NCOR2: variants seen among roughly 807,000 people sequenced by gnomAD.
The protein encoded by NCOR2 is CTG repeat protein 26.
In NCOR2, 81 loss-of-function variants were observed where a neutral mutation model predicts 262.9. The ratio of observed to expected loss-of-function variants is 0.31; its 90% confidence interval spans 0.26 to 0.37. NCOR2 has a LOEUF of 0.37. NCOR2 is among the 10% of genes least tolerant of loss of function. NCOR2 has a pLI of 1.00. For missense variants in NCOR2, 3,385 were observed against 3,621.4 expected (o/e 0.93, Z 1.68); for synonymous variants, 1,659 against 1,559.3 (o/e 1.06, Z -1.51).
intron 16 of NCOR2, among the ~76,000 whole-genome samples, chr12:124,387,353 A>G (rs2040889456): frequency 6.6e-6 from 1 of 152,066 alleles, no homozygotes; most frequent in Non-Finnish European, 1.5e-5. Flanking sequence ...TAACTGACAC[A>G]CAGAGTTTGC....
At chr12:124,472,522 A>T (rs1230058959) in intron 4 of NCOR2, among the ~76,000 whole-genome samples, 1 of 152,190 alleles carries the variant, frequency 6.6e-6, no homozygotes, top group Non-Finnish European at 1.5e-5. Flanking sequence ...AAAGTGAAGC[A>T]CAGAGAAGGG....
Position 124,483,618 on chromosome 12 carries a change from G to T in NCOR2, c.389C>A (p.Ala130Glu). The T allele has an allele frequency of 1.2e-6, 2 of 1,604,612 alleles. No individual in the cohort carries two copies. Among genetic ancestry groups the T allele is most frequent in the Non-Finnish European group, 1.7e-6 (2 of 1,175,658 alleles). Residue 130 changes from alanine to glutamate, a missense_variant, in exon 3 of 47, where the codon GCG (alanine) becomes GAG (glutamate). This residue lies in a region of NCOR2 where 237 missense variants were observed against 229.4 expected (regional missense o/e 1.03). Transcript: ENST00000405201. This position sits in a 1 kb window ranked among gnomAD's most constrained non-coding sequence, Gnocchi z 6.3. ...TACCTTGGTGAGGTCTTCAGATCCC[G>T]CAGGCTGGCCCGTGGCCAGCAGGGG...
At chr12:124,343,716 TC>T (rs1354548801) in intron 32 of NCOR2, among the ~76,000 whole-genome samples, 1 of 151,954 alleles carries the variant, frequency 6.6e-6, no homozygotes, top group Non-Finnish European at 1.5e-5. Context: ...AACCTCTGCC[TC>T]CCAGGCTCAA....
intron 22 of NCOR2, among the ~76,000 whole-genome samples, chr12:124,359,873 C>A (rs565998824): frequency 6.6e-6 from 1 of 152,204 alleles, no homozygotes; most frequent in Non-Finnish European, 1.5e-5. Flanking sequence ...AGAGAGGTAG[C>A]GCTGGGTGTC....
At position 124,326,940 on chromosome 12, in the gene NCOR2, C is replaced by T. The variant is rs569212682; in HGVS notation, c.7183+469G>A. On this transcript the variant is annotated intron_variant, in intron 45 of 46. Transcript: ENST00000405201. ...CCCTGACTCCCAGGGCTGAGACAGA[C>T]CCTGGGCTCCTCCCCACCAGGCTAA... Among the ~76,000 whole-genome samples, 111 of 152,320 alleles carry T rather than the reference C, an allele frequency of 7.3e-4. 1 individual carries two copies. Among genetic ancestry groups the T allele is most frequent in the African/African-American group, 2.6e-3 (109 of 41,576 alleles).
At chr12:124,522,184 T>C (rs1359058820) in intron 1 of NCOR2, among the ~76,000 whole-genome samples, 14 of 152,234 alleles carry the variant, frequency 9.2e-5, no homozygotes, top group Admixed American at 9.2e-4. Flanking sequence ...CCCTACTGTA[T>C]GTGCTGAGCA....
At position 124,459,890 on chromosome 12, in the gene NCOR2, G is replaced by C. The variant is rs2046073999; in HGVS notation, c.706-2728C>G. Among the ~76,000 whole-genome samples the C allele has an allele frequency of 4.6e-5, 7 of 152,048 alleles. No homozygotes were observed. In the South Asian group the frequency reaches 1.4e-3, roughly 31 times the overall value. ...CCTTGACCTCTGCTGGCCCCTCACTGTCCCCTGCACACTGAAAGCCACTAC... is the reference window on the plus strand; with the variant it reads ...CCTTGACCTCTGCTGGCCCCTCACTCTCCCCTGCACACTGAAAGCCACTAC... On this transcript the variant is annotated intron_variant, in intron 5 of 46. Transcript: ENST00000405201.
At chr12:124,325,467 C>T (rs1052739974) in exon 47 of NCOR2, 20 of 1,366,294 alleles carry the variant, frequency 1.5e-5, no homozygotes, top group Middle Eastern at 5.2e-4. Context: ...TCGTCCCAGG[C>T]GTGGTGGGGG....
intron 6 of NCOR2, among the ~76,000 whole-genome samples, chr12:124,451,187 G>A (rs1409656534): frequency 1.3e-5 from 2 of 152,278 alleles, no homozygotes; most frequent in Non-Finnish European, 2.9e-5. Context: ...AAGGAGCAGC[G>A]TGGTGCAACC....
At chr12:124,404,408 G>A (rs1441248679) in intron 13 of NCOR2, among the ~76,000 whole-genome samples, 1 of 152,180 alleles carries the variant, frequency 6.6e-6, no homozygotes, top group East Asian at 1.9e-4. Flanking sequence ...GTCCCCACCT[G>A]GGCTGTGGCG....
chr12:124,334,631 G>C lies in NCOR2; in HGVS notation c.6412-14C>G, dbSNP rs1464916585. 5.9e-6 allele frequency: 8 copies of C among 1,363,892 alleles called. No individual in the cohort carries two copies. Among genetic ancestry groups the C allele is most frequent in the South Asian group, 1.8e-5 (1 of 54,934 alleles). 84.5% of individuals were successfully genotyped at this position (1,363,892 alleles called of 1,614,324 possible). On this transcript the variant is annotated splice_polypyrimidine_tract_variant and intron_variant, in intron 40 of 46. Coordinates refer to ENST00000405201, the Ensembl canonical transcript of NCOR2. ...TGTGATGACCTCCTGCAGGCAAGTG[G>C]GGGGGCCCAGAGTCAGGCAGCACTC...
In NCOR2 at chr12:124,400,488, GC is replaced by G; in HGVS notation, c.1813+12del. On this transcript the variant is annotated intron_variant, in intron 15 of 46. Transcript: ENST00000405201. ...AGCCCCTTCCCCACCCGCATCCCTG[GC>G]CCCCAGCTCACCCAGCTCGGCGCTC... 2 of 1,607,852 alleles carry G rather than the reference GC, an allele frequency of 1.2e-6. No homozygotes were observed. Among genetic ancestry groups the G allele is most frequent in the Non-Finnish European group, 1.7e-6 (2 of 1,175,606 alleles).
chr12:124,405,186 A>G (rs1337799458), intron 13 of NCOR2, among the ~76,000 whole-genome samples: 8 of 151,952 alleles, frequency 5.3e-5, no homozygotes, highest in Admixed American at 2.6e-4. Context: ...GTCACCCCCT[A>G]TGTCTCCATA....
chr12:124,471,185 G>C (rs1384660135), intron 4 of NCOR2, among the ~76,000 whole-genome samples: 3 of 152,210 alleles, frequency 2.0e-5, no homozygotes, highest in Admixed American at 1.3e-4. Flanking sequence ...ATGGACACTT[G>C]AAATCAATGC....
chr12:124,561,121 G>A (rs2052056019), intron 1 of NCOR2, among the ~76,000 whole-genome samples: 1 of 152,206 alleles, frequency 6.6e-6, no homozygotes. Flanking sequence ...CTGCACAAAG[G>A]TTTTTCCACA....
At chr12:124,368,069 TGCGA>T (rs2039183692) in intron 20 of NCOR2, among the ~76,000 whole-genome samples, 1 of 152,192 alleles carries the variant, frequency 6.6e-6, no homozygotes, top group South Asian at 2.1e-4. Flanking sequence ...GCCCTGCAGT[TGCGA>T]GCAAAGGCTC....
In NCOR2 at chr12:124,327,432, CTCCG is replaced by C. The variant is rs1566344234; in HGVS notation, c.7156_7159del (p.Arg2386ValfsTer78). 6.2e-7 allele frequency: 1 copy of C among 1,611,602 alleles called. No homozygotes were observed. The highest frequency in any genetic ancestry group is 1.3e-5 in the African/African-American group (1 of 74,930). ...ACCTGGCGAGGTGAGTGTGTGGTCA[CTCCG>C]TCCGTCAGCAGCGGTTATGGGCATA... On this transcript the variant is annotated frameshift_variant, in exon 45 of 47. Coordinates refer to ENST00000405201, the Ensembl canonical transcript of NCOR2. LOFTEE classifies it high-confidence loss of function.
At position 124,523,522 on chromosome 12, in the gene NCOR2, C is replaced by T. The variant is rs1220554825; in HGVS notation, c.-118+12043G>A. ...TGTGCCAGGGTCAGTGGGCTTCACG[C>T]GGCCTCCACTGTGCCTTACAACCGG... is the stretch of plus-strand genomic sequence containing the variant. On this transcript the variant is annotated intron_variant, in intron 1 of 46. Coordinates refer to the NCOR2 transcript ENST00000404621. This position sits in a 1 kb window ranked among gnomAD's most constrained non-coding sequence, Gnocchi z 4.0. Among the ~76,000 whole-genome samples, 1 of 152,090 alleles carries T rather than the reference C, an allele frequency of 6.6e-6. No homozygotes were observed. Among genetic ancestry groups the T allele is most frequent in the African/African-American group, 2.4e-5 (1 of 41,404 alleles).
intron 1 of NCOR2, among the ~76,000 whole-genome samples, chr12:124,545,860 G>A (rs748174832): frequency 3.3e-5 from 5 of 152,304 alleles, no homozygotes; most frequent in African/African-American, 7.2e-5. Flanking sequence ...CTCTGGGCCC[G>A]GCAGATGAGC....
Sources: allele counts gnomAD v4.1 joint callset (sites outside exome capture counted in the v4.1 genomes callset), GRCh38; gene constraint gnomAD v4.1.1; regional missense constraint gnomAD v4.1.1; non-coding constraint Gnocchi (gnomAD v3.1); transcripts MANE v1.5; gene names NCBI Gene and HGNC (gene_info 2026-07-23, HGNC 2026-07-21).